PABIR3: variants seen among roughly 807,000 people sequenced by gnomAD.
The protein encoded by PABIR3 is PABIR family member 1.
In PABIR3, 20 loss-of-function variants were observed where a neutral mutation model predicts 23.1. The ratio of observed to expected loss-of-function variants is 0.86; its 90% CI spans 0.61 to 1.26. PABIR3 has a LOEUF of 1.26. PABIR3 is among the 50% of genes most tolerant of loss of function. PABIR3 has a pLI of 0.00. For synonymous variants in PABIR3, 69 were observed against 68.5 expected, an observed-to-expected ratio of 1.01 and a Z score of -0.04; for missense variants, 189 against 195.4, an observed-to-expected ratio of 0.97 and a Z score of 0.20.
intron 9 of PABIR3, among the ~76,000 whole-genome samples, chrX:134,851,288 C>A (rs1259344173): frequency 9.0e-6 from 1 of 111,420 alleles, no homozygotes; most frequent in Non-Finnish European, 1.9e-5. Context: ...GTAATCCCAG[C>A]ACTTTGGGAG....
chrX:134,836,927 G>A (rs2081992229), intron 4 of PABIR3, among the ~76,000 whole-genome samples: 1 of 111,476 alleles, frequency 9.0e-6, no homozygotes, highest in Admixed American at 9.6e-5. Flanking sequence ...AATTGAGCTG[G>A]GCGTGGTGGT....
At chrX:134,857,277 G>T (rs781121166), downstream of PABIR3, among the ~76,000 whole-genome samples, 230 of 111,086 alleles carry the variant, frequency 2.1e-3, no homozygotes, top group Non-Finnish European at 3.2e-3. Flanking sequence ...CCTTGCTTTT[G>T]GTGGTTGCTG....
chrX:134,853,928 A>C (rs1346487051), intron 10 of PABIR3, among the ~76,000 whole-genome samples, 163 bp from the exon 11 acceptor site: 1 of 111,996 alleles, frequency 8.9e-6, no homozygotes, highest in Admixed American at 9.5e-5. Flanking sequence ...ATGGATTTCT[A>C]TTTATTGTTA....
chrX:134,847,846 T>C, intron 7 of PABIR3, 37 bp from the exon 8 acceptor site: 4 of 1,086,161 alleles, frequency 3.7e-6, no homozygotes, highest in Non-Finnish European at 4.9e-6. Flanking sequence ...CCGAGAAAAG[T>C]GGCGGTTTTA....
chrX:134,828,153 G>A (rs1451847411), intron 3 of PABIR3, among the ~76,000 whole-genome samples: 2 of 104,749 alleles, frequency 1.9e-5, no homozygotes, highest in Non-Finnish European at 3.9e-5. Flanking sequence ...TCAAAGTGCC[G>A]GAATAATAGG....
chrX:134,850,215 G>A (rs765790289), intron 9 of PABIR3, among the ~76,000 whole-genome samples: 1 of 110,395 alleles, frequency 9.1e-6, no homozygotes, highest in Admixed American at 9.8e-5. Context: ...GGGTGAATAG[G>A]AAAGGAGATT....
chrX:134,836,791 G>A (rs2081988688), intron 4 of PABIR3, among the ~76,000 whole-genome samples: 1 of 111,779 alleles, frequency 8.9e-6, no homozygotes, highest in Non-Finnish European at 1.9e-5. Context: ...ATAACAGTCT[G>A]CTCACAGTTT....
intron 3 of PABIR3, among the ~76,000 whole-genome samples, chrX:134,823,853 A>G (rs2081394893): frequency 9.0e-6 from 1 of 110,560 alleles, no homozygotes; most frequent in Non-Finnish European, 1.9e-5. Flanking sequence ...AATTAGCAAT[A>G]TTTGGGGTTC....
chrX:134,805,490 A>C (rs193066522), upstream of PABIR3, among the ~76,000 whole-genome samples: 10 of 112,328 alleles, frequency 8.9e-5, no homozygotes, highest in East Asian at 1.9e-3. Flanking sequence ...CATATTTATT[A>C]CCTTACATGT....
chrX:134,839,659 C>G (rs1429522032), intron 4 of PABIR3: 1 of 114,320 alleles, frequency 8.7e-6, no homozygotes, highest in African/African-American at 3.3e-5. Flanking sequence ...CCCCTCTGCC[C>G]GGCCATCCGC....
chrX:134,846,793 T>C (rs2082451947), intron 6 of PABIR3, among the ~76,000 whole-genome samples: 1 of 111,875 alleles, frequency 8.9e-6, no homozygotes, highest in African/African-American at 3.2e-5. Flanking sequence ...GGCCCAATTC[T>C]AATTACTTTA....
intron 8 of PABIR3, among the ~76,000 whole-genome samples, chrX:134,848,829 C>T (rs2082524560): frequency 9.0e-6 from 1 of 111,242 alleles, no homozygotes; most frequent in Admixed American, 9.6e-5. Flanking sequence ...TGGTGAAACC[C>T]TGTGTCTACT....
intron 2 of PABIR3, chrX:134,810,441 C>G (rs1603156259): frequency 1.3e-6 from 1 of 754,268 alleles, no homozygotes; most frequent in East Asian, 1.5e-4. Context: ...ATACAGAAAC[C>G]ACAAAGTGGA....
intron 4 of PABIR3, chrX:134,835,340 C>T (rs1328546943): frequency 9.0e-6 from 1 of 110,539 alleles, no homozygotes; most frequent in African/African-American, 3.3e-5. Flanking sequence ...CCATCTTGGC[C>T]TCTCGAAGTG....
intron 4 of PABIR3, chrX:134,838,685 CCTCCCTCTCCCCACGGT>C (rs2082072768): frequency 2.5e-5 from 1 of 39,447 alleles, no homozygotes; most frequent in Non-Finnish European, 4.6e-5. Context: ...CCCCCCTCCC[CCTCCCTCTCCCCACGGT>C]CTCCCTCTCC....
intron 2 of PABIR3, among the ~76,000 whole-genome samples, chrX:134,813,913 G>T (rs2080818105): frequency 1.8e-5 from 2 of 110,110 alleles, no homozygotes; most frequent in Admixed American, 9.7e-5. Context: ...TGGGAATGTG[G>T]CCCAGTGTTG....
intron 3 of PABIR3, among the ~76,000 whole-genome samples, chrX:134,823,558 T>G (rs2081380643): frequency 8.9e-6 from 1 of 112,032 alleles, no homozygotes; most frequent in South Asian, 3.6e-4. Context: ...GTGTATTCTA[T>G]GTACATATAT....
chrX:134,851,044 A>G (rs1353828453), intron 9 of PABIR3, among the ~76,000 whole-genome samples: 4 of 111,820 alleles, frequency 3.6e-5, no homozygotes, highest in Admixed American at 9.6e-5. Flanking sequence ...ACAACAAACT[A>G]TGTCCTATTT....
chrX:134,808,178 T>G, intron 2 of PABIR3: 1 of 295,640 alleles, frequency 3.4e-6, no homozygotes, highest in Non-Finnish European at 5.9e-6. Flanking sequence ...AGCTTTGGAC[T>G]TTTTTACATT....
Sources: allele counts gnomAD v4.1 joint callset (sites outside exome capture counted in the v4.1 genomes callset), GRCh38; gene constraint gnomAD v4.1.1; transcripts MANE v1.5; gene names NCBI Gene and HGNC (gene_info 2026-07-23, HGNC 2026-07-21).